The following SPATA6L variants were observed in gnomAD, a reference collection of about 807,000 sequenced individuals.
The protein encoded by SPATA6L is spermatogenesis associated 6 like, also known as spermatogenesis associated 6-like protein.
SPATA6L carries 68 observed loss-of-function variants against 49.2 expected under a neutral mutation model. That is an observed-to-expected ratio of 1.38 (90% CI 1.14 to 1.69). SPATA6L has a LOEUF of 1.69. Ranked by LOEUF, SPATA6L falls within the 40% of genes most tolerant of loss-of-function variation. SPATA6L has a pLI of 0.00. For synonymous variants in SPATA6L, 198 were observed against 165.7 expected (o/e 1.19, Z -1.50); for missense variants, 668 against 464.3 (o/e 1.44, Z -4.03).
At chr9:4,655,392 G>A (rs1407833303) in intron 3 of SPATA6L, among the ~76,000 whole-genome samples, 1 of 152,154 alleles carries the variant, frequency 6.6e-6, no homozygotes, top group African/African-American at 2.4e-5. Context: ...GGGCTGGTGG[G>A]GAATAGGGAG....
chr9:4,610,632 A>G (rs1258042847), intron 9 of SPATA6L, among the ~76,000 whole-genome samples: 1 of 152,042 alleles, frequency 6.6e-6, no homozygotes, highest in East Asian at 1.9e-4. Flanking sequence ...CTTACACCTT[A>G]TACAAAAATC....
chr9:4,632,783 C>A (rs1243592376), intron 4 of SPATA6L, among the ~76,000 whole-genome samples: 1 of 152,092 alleles, frequency 6.6e-6, no homozygotes, highest in East Asian at 1.9e-4. Context: ...GATTCTCCCC[C>A]ATTAACATGT....
At chr9:4,648,549 A>C (rs1835988008) in intron 3 of SPATA6L, among the ~76,000 whole-genome samples, 1 of 151,534 alleles carries the variant, frequency 6.6e-6, no homozygotes, top group African/African-American at 2.4e-5. Context: ...AAATACAAAA[A>C]ATTAGCCGGG....
In SPATA6L at chr9:4,605,451, G is replaced by A; in HGVS notation, c.996-11C>T. 3.1e-6 allele frequency: 5 copies of A among 1,597,234 alleles called. No individual in the cohort carries two copies. The highest frequency in any genetic ancestry group is 4.3e-6 in the Non-Finnish European group (5 of 1,164,552). Reference sequence around the variant, plus strand: ...GAACCAGGATGGAACCTGCTCAACAGATGGAACAGGGTGGAATATTAAGCA... The same window carrying A: ...GAACCAGGATGGAACCTGCTCAACAAATGGAACAGGGTGGAATATTAAGCA... On this transcript the variant is annotated splice_polypyrimidine_tract_variant and intron_variant, in intron 9 of 11. Transcript: ENST00000682582.
intron 2 of SPATA6L, among the ~76,000 whole-genome samples, chr9:4,660,109 C>T (rs888381848): frequency 2.6e-5 from 4 of 152,234 alleles, no homozygotes; most frequent in African/African-American, 9.6e-5. Flanking sequence ...CCATTCAGGA[C>T]ATATGCATGG....
At chr9:4,617,752 G>A (rs769563775) in intron 9 of SPATA6L, among the ~76,000 whole-genome samples, 171 bp downstream of exon 9, 18 of 152,148 alleles carry the variant, frequency 1.2e-4, no homozygotes, top group Non-Finnish European at 2.1e-4. Flanking sequence ...CAAATATTCT[G>A]AGATATGCCT....
At chr9:4,647,631 T>C (rs1835711535) in intron 3 of SPATA6L, among the ~76,000 whole-genome samples, 1 of 151,948 alleles carries the variant, frequency 6.6e-6, no homozygotes, top group Non-Finnish European at 1.5e-5. Flanking sequence ...TATATAAAAC[T>C]TTTTAAACTT....
intron 4 of SPATA6L, among the ~76,000 whole-genome samples, chr9:4,629,756 T>C (rs1831103209): frequency 1.0e-5 from 1 of 97,834 alleles, no homozygotes; most frequent in Non-Finnish European, 1.8e-5. Flanking sequence ...GTTTTATATA[T>C]GTGTGTGTGT....
Position 4,662,124 on chromosome 9 carries a change from T to C in SPATA6L, c.40-88A>G, listed in dbSNP as rs2130802173. On this transcript the variant is annotated intron_variant, in intron 1 of 11. Transcript: ENST00000682582. This position sits in a 1 kb window ranked among gnomAD's most constrained non-coding sequence, Gnocchi z 4.9. ...CGGGGCTCTATTTCTCTTAAGCTCC[T>C]ACAGACACTGACATTTTCCCCATCA... 5.9e-6 allele frequency: 9 copies of C among 1,527,384 alleles called. No homozygotes were observed. The highest frequency in any genetic ancestry group is 7.9e-6 in the Non-Finnish European group (9 of 1,136,762). The allele number at this position is 1,527,384 out of a possible 1,614,324, so 94.6% of individuals were successfully genotyped here.
chr9:4,629,015 A>G, intron 5 of SPATA6L, 76 bp downstream of exon 5: 1 of 1,009,610 alleles, frequency 9.9e-7, no homozygotes, highest in South Asian at 1.5e-5. Flanking sequence ...TAATAAACTG[A>G]GTTTGGGCAA....
intron 4 of SPATA6L, among the ~76,000 whole-genome samples, chr9:4,630,635 C>A (rs79211641): frequency 6.6e-6 from 1 of 152,370 alleles, no homozygotes; most frequent in African/African-American, 2.4e-5. Context: ...TCCCTCCAGT[C>A]TCTAATATTT....
intron 3 of SPATA6L, among the ~76,000 whole-genome samples, chr9:4,650,508 A>G (rs892789952): frequency 6.6e-6 from 1 of 152,244 alleles, no homozygotes; most frequent in African/African-American, 2.4e-5. Flanking sequence ...AGCAACACAG[A>G]AAATCAATAC....
rs1311805859 is a variant in SPATA6L at position 4,629,769 on chromosome 9, G to GTGTGTGTGTGTGTA, written c.352-602_352-601insTACACACACACACA. Among the ~76,000 whole-genome samples, 335 of 101,900 alleles carry GTGTGTGTGTGTGTA rather than the reference G, an allele frequency of 3.3e-3. 2 individuals carry two copies. The highest frequency in any genetic ancestry group is 0.016 in the African/African-American group (322 of 20,134). The allele number at this position is 101,900 out of a possible 152,430, so 66.9% of individuals were successfully genotyped here. A position where few individuals can be genotyped will look rare whatever the true frequency, so the allele number is the denominator to read the frequency against. Reference sequence around the variant, plus strand: ...GTGTTTTATATATGTGTGTGTGTGTGTATATATATATATATATATATATAT... The same window carrying GTGTGTGTGTGTGTA: ...GTGTTTTATATATGTGTGTGTGTGTGTGTGTGTGTGTGTATATATATATATATATATATATATAT... On this transcript the variant is annotated intron_variant, in intron 4 of 11. Coordinates refer to ENST00000682582, the MANE Select transcript of SPATA6L (RefSeq NM_001353486.2).
chr9:4,589,926 T>C (rs1336587924), intron 13 of SPATA6L, among the ~76,000 whole-genome samples: 1 of 152,176 alleles, frequency 6.6e-6, no homozygotes, highest in Admixed American at 6.5e-5. Flanking sequence ...TTGGGAACTA[T>C]ATATTTATAT....
intron 2 of SPATA6L, among the ~76,000 whole-genome samples, chr9:4,659,932 G>C (rs188388299): frequency 3.9e-5 from 6 of 152,148 alleles, no homozygotes; most frequent in Non-Finnish European, 7.3e-5. Context: ...AATGGGGAAA[G>C]GATTCCCTAT....
intron 11 of SPATA6L, among the ~76,000 whole-genome samples, chr9:4,601,531 C>G (rs908747921): frequency 5.3e-5 from 8 of 152,274 alleles, no homozygotes; most frequent in African/African-American, 1.9e-4. Flanking sequence ...TCCACCCATT[C>G]TCTCCCTCTA....
intron 5 of SPATA6L, chr9:4,628,161 C>G (rs10974663): frequency 0.092 from 18,608 of 202,300 alleles, 1,659 homozygotes; most frequent in African/African-American, 0.24. Context: ...AAAAAAAATA[C>G]AAAGAATGAA....
chr9:4,638,041 G>A (rs957476179), intron 3 of SPATA6L, among the ~76,000 whole-genome samples: 1 of 152,138 alleles, frequency 6.6e-6, no homozygotes, highest in Admixed American at 6.5e-5. Flanking sequence ...ATTTACACTA[G>A]TGAAGAAGAT....
rs1830135810 is a variant in SPATA6L at position 4,625,335 on chromosome 9, C to A, written c.661G>T (p.Val221Phe). ...ISGGSKPPFV[V>F]RHVDSAKPFG... ...AATAATTTTAGGCTCACGTGTCTAACAACAAATGGAGGCTTGCTTCCTCCA... is the reference window on the plus strand; with the variant it reads ...AATAATTTTAGGCTCACGTGTCTAAAAACAAATGGAGGCTTGCTTCCTCCA... Residue 221 changes from valine (V) to phenylalanine (F), a missense_variant, in exon 6 of 12, where the codon GTT (valine) becomes TTT (phenylalanine). Transcript: ENST00000682582. 6.2e-7 allele frequency: 1 copy of A among 1,612,752 alleles called. No homozygotes were observed. The highest frequency in any genetic ancestry group is 1.1e-5 in the South Asian group (1 of 90,808).
Sources: allele counts gnomAD v4.1 joint callset (sites outside exome capture counted in the v4.1 genomes callset), GRCh38; gene constraint gnomAD v4.1.1; non-coding constraint Gnocchi (gnomAD v3.1); transcripts MANE v1.5; gene names NCBI Gene and HGNC (gene_info 2026-07-23, HGNC 2026-07-21).